ZNF804A: variants seen among roughly 807,000 people sequenced by gnomAD.
ZNF804A encodes zinc finger protein 804A.
In ZNF804A, 2 loss-of-function variants were observed where a neutral mutation model predicts 16.5. The observed-to-expected ratio is 0.12, with a 90% CI of 0.05 to 0.38. The LOEUF is 0.38. Ranked by LOEUF, ZNF804A falls within the 10% of genes least tolerant of loss-of-function variation. The pLI is 0.99. For synonymous variants in ZNF804A, 534 were observed against 489.6 expected, an observed-to-expected ratio of 1.09 and a Z score of -1.20; for missense variants, 1,473 against 1,390.7, an observed-to-expected ratio of 1.06 and a Z score of -0.94.
At chr2:184,615,293 A>G (rs563823129) in intron 1 of ZNF804A, among the ~76,000 whole-genome samples, 103 of 152,324 alleles carry the variant, frequency 6.8e-4, no homozygotes, top group Middle Eastern at 6.8e-3. Context: ...TGGGTGCAGC[A>G]AACCACCATG....
chr2:184,708,135 A>T (rs985356703), intron 1 of ZNF804A, among the ~76,000 whole-genome samples: 12 of 151,942 alleles, frequency 7.9e-5, no homozygotes, highest in Middle Eastern at 3.4e-3. Flanking sequence ...CAATTTTTTT[A>T]AAATGCTTGT....
chr2:184,866,647 G>A (rs1574248162), intron 2 of ZNF804A, 135 bp downstream of exon 2: 2 of 762,520 alleles, frequency 2.6e-6, no homozygotes, highest in Non-Finnish European at 3.7e-6. Context: ...TATCATTCTG[G>A]GATGATAATT....
chr2:184,772,096 T>G (rs1694224666), intron 1 of ZNF804A, among the ~76,000 whole-genome samples: 1 of 152,008 alleles, frequency 6.6e-6, no homozygotes. Flanking sequence ...ATATTTTATT[T>G]TCCATTATTT....
chr2:184,719,648 T>G (rs1017243751), intron 1 of ZNF804A, among the ~76,000 whole-genome samples: 7 of 152,146 alleles, frequency 4.6e-5, no homozygotes, highest in Admixed American at 2.0e-4. Context: ...AGGGGCAAAA[T>G]ACAGCCAGTC....
chr2:184,905,101 G>A (rs1255461132), intron 2 of ZNF804A, among the ~76,000 whole-genome samples: 1 of 151,930 alleles, frequency 6.6e-6, no homozygotes, highest in East Asian at 1.9e-4. Flanking sequence ...GTCTGTGTGT[G>A]TGTGTGTGTG....
chr2:184,686,262 G>C (rs149594887), intron 1 of ZNF804A, among the ~76,000 whole-genome samples: 52 of 152,330 alleles, frequency 3.4e-4, no homozygotes, highest in African/African-American at 1.2e-3. Flanking sequence ...AACTCAGTAG[G>C]GGGCGGGGCT....
intron 1 of ZNF804A, among the ~76,000 whole-genome samples, chr2:184,683,199 G>A (rs1322512668): frequency 6.6e-6 from 1 of 152,080 alleles, no homozygotes; most frequent in East Asian, 1.9e-4. Flanking sequence ...GTGTAATTCA[G>A]TACAATGAAC....
intron 2 of ZNF804A, among the ~76,000 whole-genome samples, chr2:184,872,535 A>C (rs1695992228): frequency 6.6e-6 from 1 of 152,168 alleles, no homozygotes; most frequent in Admixed American, 6.5e-5. Flanking sequence ...ACCATATATG[A>C]TAAACCTAAA....
chr2:184,709,844 A>G (rs1693096660), intron 1 of ZNF804A, among the ~76,000 whole-genome samples: 1 of 148,218 alleles, frequency 6.7e-6, no homozygotes, highest in Non-Finnish European at 1.5e-5. Flanking sequence ...ATATATTTTT[A>G]TAGTATATAT....
At chr2:184,618,586 A>G (rs1006552162) in intron 1 of ZNF804A, among the ~76,000 whole-genome samples, 2 of 152,140 alleles carry the variant, frequency 1.3e-5, no homozygotes, top group South Asian at 4.1e-4. Context: ...GGATTTTGGT[A>G]TCGCTGGGAT....
chr2:184,895,082 TAC>T (rs1057383283), intron 2 of ZNF804A, among the ~76,000 whole-genome samples: 1 of 152,142 alleles, frequency 6.6e-6, no homozygotes, highest in African/African-American at 2.4e-5. Flanking sequence ...TGGAAATTCA[TAC>T]CAACCTTCTC....
intron 1 of ZNF804A, among the ~76,000 whole-genome samples, chr2:184,688,007 T>G (rs1206482505): frequency 1.3e-5 from 2 of 152,130 alleles, no homozygotes; most frequent in East Asian, 3.9e-4. Flanking sequence ...TAGTCCCAGC[T>G]ACCCAGGAGG....
At chr2:184,634,343 A>G (rs1691661666) in intron 1 of ZNF804A, among the ~76,000 whole-genome samples, 1 of 152,170 alleles carries the variant, frequency 6.6e-6, no homozygotes, top group South Asian at 2.1e-4. Flanking sequence ...TGCCCCCCTC[A>G]GATGTCCACA....
chr2:184,647,427 A>T (rs974827963), intron 1 of ZNF804A, among the ~76,000 whole-genome samples: 2 of 152,176 alleles, frequency 1.3e-5, no homozygotes, highest in African/African-American at 4.8e-5. Context: ...ATGGATAAAG[A>T]TTTCACAGCT....
chr2:184,872,908 T>A (rs1411917386), intron 2 of ZNF804A, among the ~76,000 whole-genome samples: 1 of 152,172 alleles, frequency 6.6e-6, no homozygotes. Flanking sequence ...GATTGATGAA[T>A]GGAACAGAAT....
chr2:184,799,416 T>C (rs2105782085), intron 1 of ZNF804A, among the ~76,000 whole-genome samples: 1 of 152,336 alleles, frequency 6.6e-6, no homozygotes, highest in African/African-American at 2.4e-5. Context: ...TTTTTTGCAT[T>C]ATGTACCTGA....
intron 1 of ZNF804A, among the ~76,000 whole-genome samples, chr2:184,840,592 A>T (rs966148177): frequency 7.2e-5 from 11 of 152,180 alleles, no homozygotes; most frequent in Admixed American, 2.6e-4. Context: ...TTTCAGTATC[A>T]TGGAAAGATT....
chr2:184,853,216 C>T (rs1176756115), intron 1 of ZNF804A, among the ~76,000 whole-genome samples: 1 of 151,692 alleles, frequency 6.6e-6, no homozygotes, highest in Non-Finnish European at 1.5e-5. Flanking sequence ...TTCTTACTTT[C>T]TGTGTTGGAT....
chr2:184,820,234 T>C (rs978188427), intron 1 of ZNF804A, among the ~76,000 whole-genome samples: 1 of 152,182 alleles, frequency 6.6e-6, no homozygotes, highest in Non-Finnish European at 1.5e-5. Context: ...CAAGTTGGCT[T>C]CATCCCTGGG....
Sources: gnomAD v4.1 joint callset for allele counts (sites outside exome capture counted in the v4.1 genomes callset) on GRCh38, gnomAD v4.1.1 for gene constraint, MANE v1.5 for transcripts, NCBI Gene and HGNC (gene_info 2026-07-23, HGNC 2026-07-21) for gene names.